The following TMEM108 variants were observed in gnomAD, a reference collection of about 807,000 sequenced individuals.
The protein encoded by TMEM108 is cancer/testis antigen 124.
TMEM108 carries 12 observed loss-of-function variants against 35.1 expected under a neutral mutation model. The ratio of observed to expected loss-of-function variants is 0.34; its 90% CI spans 0.22 to 0.55. The LOEUF (loss-of-function observed/expected upper bound fraction) is 0.55, where lower values mean the gene tolerates loss of function less well. TMEM108 is among the 20% of genes least tolerant of loss of function. The pLI, the probability that TMEM108 is intolerant of heterozygous loss-of-function variation, is 0.89. For missense variants in TMEM108, 680 were observed against 753.3 expected (o/e 0.90, Z 1.14); for synonymous variants, 287 against 308.6 (o/e 0.93, Z 0.73).
chr3:133,041,018 A>G (rs1007033949), intron 1 of TMEM108, among the ~76,000 whole-genome samples: 7 of 152,206 alleles, frequency 4.6e-5, no homozygotes, highest in Admixed American at 1.3e-4. Context: ...CTTAGGACAC[A>G]TGCTGTAAGA....
chr3:133,380,058 G>C lies in TMEM108; in HGVS notation c.347G>C (p.Gly116Ala). 6.2e-7 allele frequency: 1 copy of C among 1,613,810 alleles called. No individual in the cohort carries two copies. Among genetic ancestry groups the C allele is most frequent in the Middle Eastern group, 1.6e-4 (1 of 6,062 alleles). The part of the protein sequence containing the change: ...APHSESSLST[G>A]PAPAAMATTS... ...CATTCTGAAAGCTCCCTGTCCACAG[G>C]GCCCGCTCCAGCAGCCATGGCAACC... Residue 116 changes from glycine (G) to alanine (A), a missense_variant, in exon 4 of 6, where the codon GGG (glycine) becomes GCG (alanine). Gly to Ala is a moderately conservative substitution (Grantham distance 60, BLOSUM62 0). Transcript: ENST00000321871. The surrounding 1 kb of genome is among the most constrained non-coding windows in gnomAD (Gnocchi z 5.3).
intron 2 of TMEM108, among the ~76,000 whole-genome samples, chr3:133,168,747 T>C (rs1418731008): frequency 2.0e-5 from 3 of 152,204 alleles, no homozygotes; most frequent in Admixed American, 1.3e-4. Context: ...GGAAGCTTTG[T>C]TCTTTCGCTC....
intron 3 of TMEM108, among the ~76,000 whole-genome samples, chr3:133,371,089 T>G (rs1306625264): frequency 6.6e-6 from 1 of 152,130 alleles, no homozygotes. Context: ...AAACCCAAGT[T>G]AAAATCAGCC....
chr3:133,097,485 T>C (rs1944030093), intron 2 of TMEM108, among the ~76,000 whole-genome samples: 1 of 152,282 alleles, frequency 6.6e-6, no homozygotes, highest in East Asian at 1.9e-4. Flanking sequence ...TATAAGTTGA[T>C]TTACAGTTAC....
chr3:133,096,387 C>G (rs1395835913), intron 2 of TMEM108, among the ~76,000 whole-genome samples: 1 of 152,130 alleles, frequency 6.6e-6, no homozygotes, highest in Non-Finnish European at 1.5e-5. Flanking sequence ...TCTCAAACTC[C>G]TCACCTCAAG....
chr3:133,227,453 A>T (rs1298094422), intron 2 of TMEM108, among the ~76,000 whole-genome samples: 1 of 148,730 alleles, frequency 6.7e-6, no homozygotes, highest in South Asian at 2.2e-4. Context: ...TCGGCCTCCC[A>T]AAGTGCTGGG....
intron 2 of TMEM108, among the ~76,000 whole-genome samples, chr3:133,205,060 C>CT (rs1238822424): frequency 2.0e-5 from 3 of 151,338 alleles, no homozygotes; most frequent in Non-Finnish European, 2.9e-5. Flanking sequence ...GTGTAATGCC[C>CT]TTTTTTTGTC....
intron 3 of TMEM108, among the ~76,000 whole-genome samples, chr3:133,297,987 C>T (rs35716595): frequency 0.21 from 32,050 of 152,008 alleles, 4,094 homozygotes; most frequent in Middle Eastern, 0.31. Flanking sequence ...GTAATGCATC[C>T]CTACCTTGTA....
At chr3:133,294,137 A>G (rs1001660070) in intron 3 of TMEM108, among the ~76,000 whole-genome samples, 4 of 152,204 alleles carry the variant, frequency 2.6e-5, no homozygotes, top group African/African-American at 4.8e-5. Flanking sequence ...GGTAATAAGC[A>G]TTTATATTTT....
intron 5 of TMEM108, among the ~76,000 whole-genome samples, chr3:133,394,834 A>G (rs556418077): frequency 1.3e-5 from 2 of 152,308 alleles, no homozygotes; most frequent in East Asian, 3.9e-4. Context: ...AGTACTCCTC[A>G]GAAAGTATCT....
At chr3:133,198,914 A>G (rs1459179899) in intron 2 of TMEM108, among the ~76,000 whole-genome samples, 1 of 151,996 alleles carries the variant, frequency 6.6e-6, no homozygotes, top group Non-Finnish European at 1.5e-5. Context: ...TCTCCCTGTC[A>G]CTTTCAGGTA....
chr3:133,108,077 A>G (rs932102441), intron 2 of TMEM108, among the ~76,000 whole-genome samples: 3 of 152,162 alleles, frequency 2.0e-5, no homozygotes, highest in Non-Finnish European at 4.4e-5. Context: ...CTAAAAATAC[A>G]AAAGTTAGCC....
chr3:133,275,422 G>A (rs1482690093), intron 3 of TMEM108, among the ~76,000 whole-genome samples: 1 of 152,078 alleles, frequency 6.6e-6, no homozygotes, highest in Non-Finnish European at 1.5e-5. Context: ...TCCATATTAA[G>A]TTTTTGAAAT....
intron 3 of TMEM108, among the ~76,000 whole-genome samples, chr3:133,268,092 C>T (rs111319049): frequency 0.014 from 2,172 of 152,276 alleles, 63 homozygotes; most frequent in African/African-American, 0.05. Context: ...CCTGAAGGAG[C>T]CCAAAGACCA....
At chr3:133,273,043 T>G (rs1243765469) in intron 3 of TMEM108, among the ~76,000 whole-genome samples, 3 of 152,124 alleles carry the variant, frequency 2.0e-5, no homozygotes, top group Non-Finnish European at 4.4e-5. Context: ...GCCCAGTAGT[T>G]TGTCATTGTG....
intron 2 of TMEM108, among the ~76,000 whole-genome samples, chr3:133,163,205 C>T (rs149362719): frequency 6.6e-6 from 1 of 152,110 alleles, no homozygotes; most frequent in Non-Finnish European, 1.5e-5. Flanking sequence ...GTTGGGGAAC[C>T]CTTTTTTCTG....
intron 2 of TMEM108, among the ~76,000 whole-genome samples, chr3:133,177,356 C>A (rs1471953768): frequency 6.6e-6 from 1 of 152,124 alleles, no homozygotes; most frequent in East Asian, 1.9e-4. Flanking sequence ...GGCAGAGACA[C>A]AACAAAAAAA....
chr3:133,099,582 A>G (rs1944060308), intron 2 of TMEM108, among the ~76,000 whole-genome samples: 1 of 152,176 alleles, frequency 6.6e-6, no homozygotes, highest in Non-Finnish European at 1.5e-5. Flanking sequence ...AATGCTCTTA[A>G]TAGCACCCAA....
intron 2 of TMEM108, among the ~76,000 whole-genome samples, chr3:133,156,448 A>G (rs1383775795): frequency 6.6e-6 from 1 of 152,220 alleles, no homozygotes; most frequent in Non-Finnish European, 1.5e-5. Flanking sequence ...GAGAGCAAAG[A>G]TTTGTACCAC....
Sources: gnomAD v4.1 joint callset for allele counts (sites outside exome capture counted in the v4.1 genomes callset) on GRCh38, gnomAD v4.1.1 for gene constraint, Gnocchi (gnomAD v3.1) non-coding constraint, MANE v1.5 for transcripts, NCBI Gene and HGNC (gene_info 2026-07-23, HGNC 2026-07-21) for gene names.